Variants in EPM2AIP1 observed in about 807,000 individuals in gnomAD.
EPM2AIP1 encodes the protein EPM2A interacting protein 1.
Under a neutral mutation model 44.8 loss-of-function variants are expected in EPM2AIP1, and 23 were observed. The observed-to-expected ratio is 0.51, with a 90% CI of 0.37 to 0.73. The LOEUF (loss-of-function observed/expected upper bound fraction) is 0.73. Among genes scored for constraint, EPM2AIP1 ranks in the 30% least tolerant of loss-of-function variants. EPM2AIP1 has a pLI of 0.00. For missense variants in EPM2AIP1, 652 were observed against 743.9 expected (o/e 0.88, Z 1.44); for synonymous variants, 311 against 284.3 (o/e 1.09, Z -0.94).
At position 36,991,270 on chromosome 3, in the gene EPM2AIP1, T is replaced by A; in HGVS notation, c.1808A>T (p.Asn603Ile). The change falls in exon 1 of 1, where the codon AAT (asparagine) becomes ATT (isoleucine). Residue 603 changes from asparagine to isoleucine, a missense_variant. By Grantham distance (149) the Asn-to-Ile change is moderately radical. Transcript: ENST00000322716. ...PGWDDLVRER[N>I]ESNP ...TACAAAGCCTTATGGATTAGATTCA[T>A]TTCTTTCTCTCACAAGGTCATCCCA... is the stretch of plus-strand genomic sequence containing the variant. The A allele has an allele frequency of 1.2e-6, 2 of 1,607,094 alleles. No homozygotes were observed. The highest frequency in any genetic ancestry group is 1.7e-6 in the Non-Finnish European group (2 of 1,175,612).
Position 36,991,148 on chromosome 3 carries a change from C to T in EPM2AIP1, c.*106G>A. 6.8e-7 allele frequency: 1 copy of T among 1,466,274 alleles called. No homozygotes were observed. Among genetic ancestry groups the T allele is most frequent in the Non-Finnish European group, 9.0e-7 (1 of 1,106,788 alleles). 90.8% of individuals were successfully genotyped at this position (1,466,274 alleles called of 1,614,324 possible). A position where few individuals can be genotyped will look rare whatever the true frequency, so the allele number is the denominator to read the frequency against. On this transcript the variant is annotated 3_prime_UTR_variant, in exon 1 of 1. Coordinates refer to ENST00000322716, the MANE Select transcript of EPM2AIP1 (RefSeq NM_014805.4). ...TTGTGATCAGTTTGGACGGCTGGTACTTGGTACTTTCTCACAATCCAAATT... is the reference window on the plus strand; with the variant it reads ...TTGTGATCAGTTTGGACGGCTGGTATTTGGTACTTTCTCACAATCCAAATT...
In EPM2AIP1 at chr3:36,985,868, T is replaced by C. The variant is rs888001486; in HGVS notation, c.*5386A>G. On this transcript the variant is annotated 3_prime_UTR_variant, in exon 1 of 1. Transcript: ENST00000322716. ...GATAATAAATAAATGGACAAGGCTA[T>C]ATTCCAGTAAAACTTTATTTAGATA... is the stretch of plus-strand genomic sequence containing the variant. The C allele has an allele frequency of 3.9e-5, 6 of 152,250 alleles. No homozygotes were observed. The highest frequency in any genetic ancestry group is 7.3e-5 in the Non-Finnish European group (5 of 68,044). 9.4% of individuals were successfully genotyped at this position (152,250 alleles called of 1,614,324 possible).
In EPM2AIP1 at chr3:36,992,169, T is replaced by G. The variant is rs1168472581; in HGVS notation, c.909A>C (p.Glu303Asp). The G allele has an allele frequency of 6.2e-7, 1 of 1,613,822 alleles. No individual in the cohort carries two copies. The highest frequency in any genetic ancestry group is 1.3e-5 in the African/African-American group (1 of 74,930). Residue 303 changes from glutamate (E) to aspartate (D), a missense_variant, in exon 1 of 1, where the codon GAA (glutamate) becomes GAC (aspartate). Transcript: ENST00000322716. This position sits in a 1 kb window ranked among gnomAD's most constrained non-coding sequence, Gnocchi z 5.3. ...DVNQIINTIS[E>D]WIVLIKTRGV... ...CTCTGGTCTTAATCAAAACTATCCATTCGGATATGGTATTTATGATCTGAT... is the reference window on the plus strand; with the variant it reads ...CTCTGGTCTTAATCAAAACTATCCAGTCGGATATGGTATTTATGATCTGAT...
chr3:36,992,444 T>C lies in EPM2AIP1; in HGVS notation c.634A>G (p.Ile212Val), dbSNP rs2080829567. 3.1e-6 allele frequency: 5 copies of C among 1,613,938 alleles called. No homozygotes were observed. Among genetic ancestry groups the C allele is most frequent in the Non-Finnish European group, 4.2e-6 (5 of 1,179,868 alleles). The change falls in exon 1 of 1, where the codon ATC becomes GTC. Residue 212 changes from isoleucine to valine, a missense_variant. By Grantham distance (29) the Ile-to-Val change is conservative. Transcript: ENST00000322716. This position sits in a 1 kb window ranked among gnomAD's most constrained non-coding sequence, Gnocchi z 5.3. Reference sequence around the variant, plus strand: ...ACACTGAAATGATGAGTCAGGTTGATTATGGTCAGAAGATCTTCTTGCACC... The same window carrying C: ...ACACTGAAATGATGAGTCAGGTTGACTATGGTCAGAAGATCTTCTTGCACC... ...LEVQEDLLTIINLTHHFSVGA... is the reference protein window; with the variant it reads ...LEVQEDLLTIVNLTHHFSVGA...
rs1021664348 is a variant in EPM2AIP1, at chr3:36,985,559, T to C, written c.*5695A>G. ...CAGGTATATGCAAGGATCACACTCC[T>C]CCTAGAACTTTAATGTGGCTATGTG... On this transcript the variant is annotated 3_prime_UTR_variant, in exon 1 of 1. Coordinates refer to ENST00000322716, the MANE Select transcript of EPM2AIP1 (RefSeq NM_014805.4). 6.6e-6 allele frequency: 1 copy of C among 152,230 alleles called. No individual in the cohort carries two copies. The highest frequency in any genetic ancestry group is 2.4e-5 in the African/African-American group (1 of 41,472). 9.4% of individuals were successfully genotyped at this position (152,230 alleles called of 1,614,324 possible). A position where few individuals can be genotyped will look rare whatever the true frequency, so the allele number is the denominator to read the frequency against.
rs2125688505 is a variant in EPM2AIP1, at chr3:36,991,398, A to C, written c.1680T>G (p.Ala560=). 1 of 1,613,996 alleles carries C rather than the reference A, an allele frequency of 6.2e-7. No individual in the cohort carries two copies. The highest frequency in any genetic ancestry group is 1.1e-5 in the South Asian group (1 of 91,072). Residue 560 remains alanine, a synonymous_variant, in exon 1 of 1, where the codon GCT becomes GCG. Transcript: ENST00000322716. ...LFDSNQICEK[A]FSYLTRNQHT... ...GTTGGTTTCGAGTCAAATATGAAAA[A>C]GCCTTTTCACAGATTTGGTTACTAT...
rs564336793 is a variant in EPM2AIP1, at chr3:36,991,032, C to T, written c.*222G>A. ...ATCATAAAAGACAATGACTTTGTCA[C>T]TAAACTAAGTTTTAAAAAAGGTGGC... is the stretch of plus-strand genomic sequence containing the variant. On this transcript the variant is annotated 3_prime_UTR_variant, in exon 1 of 1. Transcript: ENST00000322716. The T allele has an allele frequency of 8.1e-7, 1 of 1,236,740 alleles. No homozygotes were observed. Among genetic ancestry groups the T allele is most frequent in the East Asian group, 3.2e-5 (1 of 31,240 alleles). The allele number at this position is 1,236,740 out of a possible 1,614,324, so 76.6% of individuals were successfully genotyped here. A position where few individuals can be genotyped will look rare whatever the true frequency, so the allele number is the denominator to read the frequency against.
rs188168144 is a variant in EPM2AIP1 at position 36,991,026 on chromosome 3, T to C, written c.*228A>G. ...AACTATATCATAAAAGACAATGACT[T>C]TGTCACTAAACTAAGTTTTAAAAAA... On this transcript the variant is annotated 3_prime_UTR_variant, in exon 1 of 1. Transcript: ENST00000322716. The C allele has an allele frequency of 9.8e-6, 12 of 1,227,794 alleles. No homozygotes were observed. The highest frequency in any genetic ancestry group is 3.3e-5 in the East Asian group (1 of 30,280). The allele number at this position is 1,227,794 out of a possible 1,614,324, so 76.1% of individuals were successfully genotyped here. A position where few individuals can be genotyped will look rare whatever the true frequency, so the allele number is the denominator to read the frequency against.
chr3:36,992,318 C>T lies in EPM2AIP1; in HGVS notation c.760G>A (p.Gly254Ser). The T allele has an allele frequency of 6.2e-7, 1 of 1,613,954 alleles. No homozygotes were observed. Among genetic ancestry groups the T allele is most frequent in the Non-Finnish European group, 8.5e-7 (1 of 1,179,888 alleles). ...TATGAGACGAGTCCTGAGTTCTCACCAATCATCCTCAAAGTATGGGTCGTG... is the reference window on the plus strand; with the variant it reads ...TATGAGACGAGTCCTGAGTTCTCACTAATCATCCTCAAAGTATGGGTCGTG... ...LTTTHTLRMI[G>S]ENSGLVSYMR... The change falls in exon 1 of 1, where the codon GGT becomes AGT. Residue 254 changes from glycine to serine, a missense_variant. By Grantham distance (56) the Gly-to-Ser change is moderately conservative. Coordinates refer to ENST00000322716, the MANE Select transcript of EPM2AIP1 (RefSeq NM_014805.4). The surrounding 1 kb of genome is among the most constrained non-coding windows in gnomAD (Gnocchi z 5.3).
Position 36,992,869 on chromosome 3 carries a change from G to C in EPM2AIP1, c.209C>G (p.Ala70Gly). 1 of 1,611,034 alleles carries C rather than the reference G, an allele frequency of 6.2e-7. No individual in the cohort carries two copies. Among genetic ancestry groups the C allele is most frequent in the Non-Finnish European group, 8.5e-7 (1 of 1,179,594 alleles). ...CACCAGGGCCGCGCGCTCGCCGTCC[G>C]CCACATACCGCTCGTAGTATTCGTG... ...AEHEYYERYV[A>G]DGERAALVER... The change falls in exon 1 of 1, where the codon GCG (alanine) becomes GGG (glycine). Residue 70 changes from alanine to glycine, a missense_variant. Ala to Gly is a moderately conservative substitution (Grantham distance 60). Coordinates refer to ENST00000322716, the MANE Select transcript of EPM2AIP1 (RefSeq NM_014805.4). This position sits in a 1 kb window ranked among gnomAD's most constrained non-coding sequence, Gnocchi z 5.3.
chr3:36,991,977 T>C lies in EPM2AIP1; in HGVS notation c.1101A>G (p.Ala367=), dbSNP rs781130377. The C allele has an allele frequency of 6.2e-7, 1 of 1,613,892 alleles. No individual in the cohort carries two copies. The highest frequency in any genetic ancestry group is 8.5e-7 in the Non-Finnish European group (1 of 1,179,866). The part of the protein sequence containing the change: ...EMEAFLVSVG[A]TTVHFSDKQW... ...GTTTGTCTGAGAAGTGGACTGTTGT[T>C]GCCCCTACTGAAACCAAGAACGCTT... The change falls in exon 1 of 1, where the codon GCA becomes GCG. Residue 367 remains alanine (A), a synonymous_variant. Transcript: ENST00000322716.
Position 36,992,495 on chromosome 3 carries a change from T to C in EPM2AIP1, c.583A>G (p.Ile195Val). 1.2e-6 allele frequency: 2 copies of C among 1,613,868 alleles called. No homozygotes were observed. Among genetic ancestry groups the C allele is most frequent in the Middle Eastern group, 1.6e-4 (1 of 6,062 alleles). ...VAYENYLLVF[I>V]RGVGPELEVQ... ...TCCAACTCAGGGCCTACACCGCGGA[T>C]AAAGACCAGGAGGTAGTTCTCATAG... Residue 195 changes from isoleucine (I) to valine (V), a missense_variant, in exon 1 of 1, where the codon ATC (isoleucine) becomes GTC (valine). Transcript: ENST00000322716. The surrounding 1 kb of genome is among the most constrained non-coding windows in gnomAD (Gnocchi z 5.3).
Position 36,989,284 on chromosome 3 carries a change from T to C in EPM2AIP1, c.*1970A>G, listed in dbSNP as rs1227591914. The C allele has an allele frequency of 8.5e-5, 13 of 152,094 alleles. No individual in the cohort carries two copies. The highest frequency in any genetic ancestry group is 1.8e-4 in the Non-Finnish European group (12 of 67,960). The allele number at this position is 152,094 out of a possible 1,614,324, so 9.4% of individuals were successfully genotyped here. The stretch of plus-strand genomic sequence containing the variant: ...GCTATTGGGAAATTACCGGTAGATT[T>C]TTCTGTTTTTTTTTTTCGGTTTTCC... On this transcript the variant is annotated 3_prime_UTR_variant, in exon 1 of 1. Transcript: ENST00000322716.
rs759827050 is a variant in EPM2AIP1, at chr3:36,992,827, C to G, written c.251G>C (p.Gly84Ala). 6.2e-7 allele frequency: 1 copy of G among 1,611,962 alleles called. No homozygotes were observed. Among genetic ancestry groups the G allele is most frequent in the Non-Finnish European group, 8.5e-7 (1 of 1,179,732 alleles). ...AGTGAAGGAGGCCACGGGCAAGTCG[C>G]CCTGACGCAGACGCTCCACCAGGGC... The part of the protein sequence containing the change: ...RAALVERLRQ[G>A]DLPVASFTPE... The change falls in exon 1 of 1, where the codon GGC (glycine) becomes GCC (alanine). Residue 84 changes from glycine to alanine, a missense_variant. By Grantham distance (60) the Gly-to-Ala change is moderately conservative. Coordinates refer to ENST00000322716, the MANE Select transcript of EPM2AIP1 (RefSeq NM_014805.4). This position sits in a 1 kb window ranked among gnomAD's most constrained non-coding sequence, Gnocchi z 5.3.
chr3:36,987,444 A>ATATAT lies in EPM2AIP1; in HGVS notation c.*3809_*3810insATATA, dbSNP rs1491147179. ...TTTGGAAATTTAAAAAAAAAAAAAA[A>ATATAT]ATATATATATATATATGACACTGTT... is the stretch of plus-strand genomic sequence containing the variant. On this transcript the variant is annotated 3_prime_UTR_variant, in exon 1 of 1. Coordinates refer to ENST00000322716, the MANE Select transcript of EPM2AIP1 (RefSeq NM_014805.4). 2.1e-5 allele frequency: 3 copies of ATATAT among 141,482 alleles called. No homozygotes were observed. The East Asian group carries it at 6.1e-4, about 29-fold the overall frequency. 8.8% of individuals were successfully genotyped at this position (141,482 alleles called of 1,614,324 possible). A position where few individuals can be genotyped will look rare whatever the true frequency, so the allele number is the denominator to read the frequency against.
Position 36,993,038 on chromosome 3 carries a change from C to T in EPM2AIP1, c.40G>A (p.Glu14Lys). 1 of 1,610,916 alleles carries T rather than the reference C, an allele frequency of 6.2e-7. No individual in the cohort carries two copies. The highest frequency in any genetic ancestry group is 8.5e-7 in the Non-Finnish European group (1 of 1,178,368). ...TPKRSKMEVDEALVFRPEWTQ... is the reference protein window; with the variant it reads ...TPKRSKMEVDKALVFRPEWTQ... ...CACTCGGGCCGGAAAACTAGAGCCT[C>T]GTCGACTTCCATCTTGCTTCTTTTG... is the stretch of plus-strand genomic sequence containing the variant. Residue 14 changes from glutamate to lysine, a missense_variant, in exon 1 of 1, where the codon GAG becomes AAG. Transcript: ENST00000322716.
In EPM2AIP1 at chr3:36,993,109, T is replaced by C. The variant is rs1292572733; in HGVS notation, c.-32A>G. 3 of 1,568,072 alleles carry C rather than the reference T, an allele frequency of 1.9e-6. No individual in the cohort carries two copies. The highest frequency in any genetic ancestry group is 1.7e-6 in the Non-Finnish European group (2 of 1,155,690). The stretch of plus-strand genomic sequence containing the variant: ...GGAGGCCACAAGAGCAGGGCCAACG[T>C]TAGAAAGGCCGCAAGGGGAGAGGAG... On this transcript the variant is annotated 5_prime_UTR_variant, in exon 1 of 1. Transcript: ENST00000322716.
In EPM2AIP1 at chr3:36,985,746, T is replaced by C. The variant is rs1190353055; in HGVS notation, c.*5508A>G. 6.6e-6 allele frequency: 1 copy of C among 152,250 alleles called. No individual in the cohort carries two copies. The highest frequency in any genetic ancestry group is 1.5e-5 in the Non-Finnish European group (1 of 68,042). 9.4% of individuals were successfully genotyped at this position (152,250 alleles called of 1,614,324 possible). A position where few individuals can be genotyped will look rare whatever the true frequency, so the allele number is the denominator to read the frequency against. ...AGAGCACAAATTGGTGAACTTTCTC[T>C]GTAAAGGGCCACAGAATAAGTATTT... On this transcript the variant is annotated 3_prime_UTR_variant, in exon 1 of 1. Transcript: ENST00000322716.
chr3:36,992,658 C>T lies in EPM2AIP1; in HGVS notation c.420G>A (p.Leu140=). Reference sequence around the variant, plus strand: ...TATCTGGAGATAAGTCAACGCCTTGCAGGACGCTTACATGCTCGGGCAGTA... The same window carrying T: ...TATCTGGAGATAAGTCAACGCCTTGTAGGACGCTTACATGCTCGGGCAGTA... ...REVLPEHVSV[L]QGVDLSPDIT... is the part of the protein sequence containing the mutation. The change falls in exon 1 of 1, where the codon CTG becomes CTA. Residue 140 remains leucine (L), a synonymous_variant. Coordinates refer to ENST00000322716, the MANE Select transcript of EPM2AIP1 (RefSeq NM_014805.4). The surrounding 1 kb of genome is among the most constrained non-coding windows in gnomAD (Gnocchi z 5.3). 4 of 1,614,018 alleles carry T rather than the reference C, an allele frequency of 2.5e-6. No individual in the cohort carries two copies. The highest frequency in any genetic ancestry group is 1.7e-5 in the Admixed American group (1 of 60,020).
Sources: gnomAD v4.1 joint callset for allele counts on GRCh38, gnomAD v4.1.1 for gene constraint, Gnocchi (gnomAD v3.1) non-coding constraint, MANE v1.5 for transcripts, NCBI Gene and HGNC (gene_info 2026-07-23, HGNC 2026-07-21) for gene names.